The following B3GALT1 variants were observed in gnomAD, a reference collection of about 807,000 sequenced individuals.
The protein encoded by B3GALT1 is beta-1,3-galactosyltransferase 1.
A neutral mutation model predicts 23.2 loss-of-function variants in B3GALT1; 10 were observed. The observed-to-expected ratio is 0.43, with a 90% confidence interval of 0.27 to 0.73. B3GALT1 has a LOEUF of 0.73. Ranked by LOEUF, B3GALT1 falls within the 30% of genes least tolerant of loss-of-function variation. The pLI is 0.21. For synonymous variants in B3GALT1, 156 were observed against 141.5 expected (o/e 1.10, Z -0.73); for missense variants, 299 against 405.4 (o/e 0.74, Z 2.25).
At chr2:167,795,641 A>C (rs748050324) in intron 3 of B3GALT1, among the ~76,000 whole-genome samples, 1 of 152,166 alleles carries the variant, frequency 6.6e-6, no homozygotes, top group Non-Finnish European at 1.5e-5. Context: ...TTTCTGTGCT[A>C]AGATAGGTTG....
chr2:167,727,904 T>C (rs1051903410), intron 3 of B3GALT1, among the ~76,000 whole-genome samples: 4 of 144,284 alleles, frequency 2.8e-5, no homozygotes. Flanking sequence ...GAAAGTCAGC[T>C]AGAAGCTTTT....
Position 167,446,796 on chromosome 2 carries a change from G to A in B3GALT1, c.-510-43381G>A, listed in dbSNP as rs183544550. 5.3e-4 allele frequency among the ~76,000 whole-genome samples: 80 copies of A among 152,214 alleles called. 1 individual carries two copies. The highest frequency in any genetic ancestry group is 1.7e-3 in the African/African-American group (72 of 41,534). On this transcript the variant is annotated intron_variant, in intron 1 of 4. Transcript: ENST00000392690. ...TTCTCACAGTTTTTAGCCTCTTTGC[G>A]TTGGGTTCGAACATCCTCCTTTAGC...
chr2:167,336,090 G>A (rs1474152088), intron 1 of B3GALT1, among the ~76,000 whole-genome samples: 1 of 152,034 alleles, frequency 6.6e-6, no homozygotes, highest in East Asian at 1.9e-4. Flanking sequence ...GTGGACTACT[G>A]ATTACTAATA....
chr2:167,501,826 T>A (rs995836014), intron 2 of B3GALT1, among the ~76,000 whole-genome samples: 2 of 151,920 alleles, frequency 1.3e-5, no homozygotes, highest in African/African-American at 2.4e-5. Flanking sequence ...TACTTGTTTC[T>A]CGGCATTAAG....
chr2:167,663,410 G>A (rs989495633), intron 3 of B3GALT1, among the ~76,000 whole-genome samples: 7 of 151,696 alleles, frequency 4.6e-5, no homozygotes, highest in East Asian at 3.9e-4. Flanking sequence ...GAATAATGCC[G>A]CAATAAACAT....
At chr2:167,296,850 A>G (rs1696359120) in intron 1 of B3GALT1, among the ~76,000 whole-genome samples, 1 of 152,172 alleles carries the variant, frequency 6.6e-6, no homozygotes. Context: ...TCATAAAAAT[A>G]TAGTGATAAC....
intron 2 of B3GALT1, among the ~76,000 whole-genome samples, chr2:167,565,124 A>T (rs1684129585): frequency 6.6e-6 from 1 of 152,232 alleles, no homozygotes; most frequent in African/African-American, 2.4e-5. Context: ...AGGCTACAGT[A>T]ACCAAAACAG....
chr2:167,441,088 A>T (rs2105312957), intron 1 of B3GALT1, among the ~76,000 whole-genome samples: 1 of 152,236 alleles, frequency 6.6e-6, no homozygotes, highest in East Asian at 1.9e-4. Flanking sequence ...CTAGATTCTG[A>T]TTATAGATTC....
chr2:167,296,748 A>C (rs1696357089), intron 1 of B3GALT1, among the ~76,000 whole-genome samples: 1 of 152,344 alleles, frequency 6.6e-6, no homozygotes, highest in South Asian at 2.1e-4. Flanking sequence ...GAATACATAC[A>C]CTATTGTATG....
At chr2:167,395,497 G>A (rs941748387) in intron 1 of B3GALT1, among the ~76,000 whole-genome samples, 1 of 152,098 alleles carries the variant, frequency 6.6e-6, no homozygotes, top group Non-Finnish European at 1.5e-5. Flanking sequence ...CAAGGAAACT[G>A]AACCCTCCCC....
intron 3 of B3GALT1, among the ~76,000 whole-genome samples, chr2:167,683,936 C>T (rs1686576044): frequency 6.6e-6 from 1 of 152,188 alleles, no homozygotes; most frequent in Non-Finnish European, 1.5e-5. Context: ...GTTCTTCTCT[C>T]TATCTGGAAC....
At chr2:167,865,447 A>T (rs894299695) in intron 4 of B3GALT1, among the ~76,000 whole-genome samples, 3 of 152,108 alleles carry the variant, frequency 2.0e-5, no homozygotes, top group Non-Finnish European at 4.4e-5. Flanking sequence ...CTTCTAAGAA[A>T]TAGAACTATG....
chr2:167,752,069 G>T (rs927886937), intron 3 of B3GALT1, among the ~76,000 whole-genome samples: 14 of 151,832 alleles, frequency 9.2e-5, no homozygotes, highest in African/African-American at 3.4e-4. Flanking sequence ...AAGTAGTATT[G>T]TCTACCTTTT....
At chr2:167,500,680 T>A (rs986459229) in intron 2 of B3GALT1, among the ~76,000 whole-genome samples, 1 of 152,160 alleles carries the variant, frequency 6.6e-6, no homozygotes, top group African/African-American at 2.4e-5. Context: ...GGCAGGAGTG[T>A]TTGCCTATTG....
chr2:167,524,859 C>G (rs1325886834), intron 2 of B3GALT1, among the ~76,000 whole-genome samples: 1 of 152,108 alleles, frequency 6.6e-6, no homozygotes, highest in South Asian at 2.1e-4. Context: ...GTTTTAGAGA[C>G]GTTTTCATAT....
intron 2 of B3GALT1, among the ~76,000 whole-genome samples, chr2:167,548,685 A>AGTGT (rs71031297): frequency 0.036 from 5,223 of 144,736 alleles, 152 homozygotes; most frequent in East Asian, 0.086. Context: ...CGTGTGTGTG[A>AGTGT]GTGTGTGTGT....
chr2:167,869,907 A>G lies in B3GALT1; in HGVS notation c.868A>G (p.Met290Val). 1 of 1,614,194 alleles carries G rather than the reference A, an allele frequency of 6.2e-7. No individual in the cohort carries two copies. The highest frequency in any genetic ancestry group is 1.7e-4 in the Middle Eastern group (1 of 6,058). The change falls in exon 5 of 5, where the codon ATG (methionine) becomes GTG (valine). Residue 290 changes from methionine (M) to valine (V), a missense_variant. Physicochemically the swap from Met to Val is conservative, Grantham distance 21. This residue lies in a region of B3GALT1 where 133 missense variants were observed against 204.8 expected (regional missense o/e 0.65). Transcript: ENST00000392690. The surrounding 1 kb of genome is among the most constrained non-coding windows in gnomAD (Gnocchi z 6.4). ...GAACAGTGGCTTCAATCACTGGAAA[A>G]TGGCCTACAGTTTGTGTAGGTATCG... ...FQNSGFNHWK[M>V]AYSLCRYRRV...
chr2:167,592,291 A>G lies in B3GALT1; in HGVS notation c.-409-54618A>G, dbSNP rs558129857. Reference sequence around the variant, plus strand: ...TCACTGCGGACTCTCTGCCCCAATCATGAAGTTTCCATGGTCAGTCAACCT... The same window carrying G: ...TCACTGCGGACTCTCTGCCCCAATCGTGAAGTTTCCATGGTCAGTCAACCT... On this transcript the variant is annotated intron_variant, in intron 2 of 4. Coordinates refer to ENST00000392690, the MANE Select transcript of B3GALT1 (RefSeq NM_020981.4). 9.9e-5 allele frequency among the ~76,000 whole-genome samples: 15 copies of G among 152,274 alleles called. 1 individual carries two copies. The South Asian group carries it at 3.1e-3, about 32-fold the overall frequency.
At chr2:167,431,098 C>T (rs1468287393) in intron 1 of B3GALT1, among the ~76,000 whole-genome samples, 1 of 151,988 alleles carries the variant, frequency 6.6e-6, no homozygotes, top group African/African-American at 2.4e-5. Flanking sequence ...CTTTGATAGC[C>T]AATTGAGTGG....
Sources: gnomAD v4.1 joint callset for allele counts (sites outside exome capture counted in the v4.1 genomes callset) on GRCh38, gnomAD v4.1.1 for gene constraint, gnomAD v4.1.1 regional missense constraint, Gnocchi (gnomAD v3.1) non-coding constraint, MANE v1.5 for transcripts, NCBI Gene and HGNC (gene_info 2026-07-23, HGNC 2026-07-21) for gene names.